The following DSCAM variants were observed in gnomAD, a reference collection of about 807,000 sequenced individuals.
DSCAM encodes DS cell adhesion molecule.
In DSCAM, 47 loss-of-function variants were observed where a neutral mutation model predicts 217.7. That is an observed-to-expected ratio of 0.22 (90% CI 0.17 to 0.28). The LOEUF is 0.28. Ranked by LOEUF, DSCAM falls within the 10% of genes least tolerant of loss-of-function variation. DSCAM has a pLI of 1.00. For missense variants in DSCAM, 2,080 were observed against 2,618.3 expected, an observed-to-expected ratio of 0.79 and a Z score of 4.49; for synonymous variants, 1,056 against 1,015.3, an observed-to-expected ratio of 1.04 and a Z score of -0.76.
rs538184712 is a variant in DSCAM at position 40,574,626 on chromosome 21, T to C, written c.508+118184A>G. On this transcript the variant is annotated intron_variant, in intron 3 of 32. Transcript: ENST00000400454. ...TCAATATTCAACATTGTTCAAGAAGTCTTAGGTAGTGCAGTAGGGCAAGAT... is the reference window on the plus strand; with the variant it reads ...TCAATATTCAACATTGTTCAAGAAGCCTTAGGTAGTGCAGTAGGGCAAGAT... 3.9e-4 allele frequency among the ~76,000 whole-genome samples: 59 copies of C among 152,182 alleles called. 1 individual carries two copies. The highest frequency in any genetic ancestry group is 6.3e-4 in the Non-Finnish European group (43 of 68,006).
rs749781848 is a variant in DSCAM at position 40,156,287 on chromosome 21, CAGAGAGAGAGAGAGAGAGAGAGAG to C, written c.3018+10907_3018+10930del. Among the ~76,000 whole-genome samples the C allele has an allele frequency of 3.6e-4, 27 of 75,750 alleles. No individual in the cohort carries two copies. The South Asian group carries it at 0.01, about 28-fold the overall frequency. 49.7% of individuals were successfully genotyped at this position (75,750 alleles called of 152,430 possible). A position where few individuals can be genotyped will look rare whatever the true frequency, so the allele number is the denominator to read the frequency against. On this transcript the variant is annotated intron_variant, in intron 16 of 32. Coordinates refer to ENST00000400454, the MANE Select transcript of DSCAM (RefSeq NM_001389.5). ...GGAAGCTGTGACAGTCAAACTAAGA[CAGAGAGAGAGAGAGAGAGAGAGAG>C]AGAGAGAGAGAGAGAGAGAGAGAGA...
chr21:40,270,448 G>A (rs979814795), intron 11 of DSCAM, among the ~76,000 whole-genome samples: 1 of 152,196 alleles, frequency 6.6e-6, no homozygotes. Flanking sequence ...GAGGACTGCT[G>A]GGGGTGCTGG....
intron 11 of DSCAM, among the ~76,000 whole-genome samples, chr21:40,221,094 TTG>T (rs777432429): frequency 5.9e-4 from 90 of 152,310 alleles, no homozygotes; most frequent in Non-Finnish European, 1.2e-3. Flanking sequence ...AAATTCATTT[TTG>T]CCTGACTATA....
intron 3 of DSCAM, among the ~76,000 whole-genome samples, chr21:40,582,022 T>A (rs2076909555): frequency 6.6e-6 from 1 of 152,174 alleles, no homozygotes; most frequent in South Asian, 2.1e-4. Flanking sequence ...TAGTGAAATG[T>A]GGTTGAGTCA....
intron 3 of DSCAM, among the ~76,000 whole-genome samples, chr21:40,622,730 T>C (rs2146302825): frequency 6.6e-6 from 1 of 152,292 alleles, no homozygotes. Context: ...CAGTCAGCAC[T>C]TTTGGCCTGA....
chr21:40,139,993 A>ATGTGGGGTGCATGTATG (rs2090269793), intron 18 of DSCAM, among the ~76,000 whole-genome samples: 1 of 150,676 alleles, frequency 6.6e-6, no homozygotes, highest in African/African-American at 2.4e-5. Flanking sequence ...TGTGTGGTGT[A>ATGTGGGGTGCATGTATG]TGTGGGGTGC....
Position 40,393,691 on chromosome 21 carries a change from C to T in DSCAM, c.509-24446G>A, listed in dbSNP as rs1439021542. 2.6e-5 allele frequency among the ~76,000 whole-genome samples: 4 copies of T among 152,062 alleles called. No individual in the cohort carries two copies. In the East Asian group the frequency reaches 7.7e-4, roughly 29 times the overall value. Reference sequence around the variant, plus strand: ...ACATGTTTGCATATATCCGTCTATGCTTTTTTCTACATATATATAGTATTT... The same window carrying T: ...ACATGTTTGCATATATCCGTCTATGTTTTTTTCTACATATATATAGTATTT... On this transcript the variant is annotated intron_variant, in intron 3 of 32. Transcript: ENST00000400454.
At chr21:40,195,124 C>T (rs2837485) in intron 11 of DSCAM, among the ~76,000 whole-genome samples, 75,041 of 151,838 alleles carry the variant, frequency 0.49, 19,599 homozygotes, top group African/African-American at 0.67. Context: ...TGTCACTGTA[C>T]GTTTTGACAA....
At chr21:40,558,227 A>G (rs1376157883) in intron 3 of DSCAM, among the ~76,000 whole-genome samples, 1 of 152,148 alleles carries the variant, frequency 6.6e-6, no homozygotes, top group Non-Finnish European at 1.5e-5. Context: ...TGGGCAGATT[A>G]CGAGGTCAGG....
At chr21:40,273,135 T>G (rs1353104129) in intron 11 of DSCAM, among the ~76,000 whole-genome samples, 1 of 152,200 alleles carries the variant, frequency 6.6e-6, no homozygotes, top group Non-Finnish European at 1.5e-5. Flanking sequence ...ATATACATTT[T>G]CTCTTTCTTT....
At chr21:40,301,594 A>ACAGCC (rs1157547485) in intron 9 of DSCAM, among the ~76,000 whole-genome samples, 1 of 152,298 alleles carries the variant, frequency 6.6e-6, no homozygotes, top group African/African-American at 2.4e-5. Context: ...ATTACTTACC[A>ACAGCC]TAGCCTTTAT....
At chr21:40,648,912 G>T (rs949746422) in intron 3 of DSCAM, among the ~76,000 whole-genome samples, 6 of 152,112 alleles carry the variant, frequency 3.9e-5, no homozygotes, top group Non-Finnish European at 1.5e-5. Context: ...ACAGGAGCTC[G>T]GGAACTGCCA....
At position 40,800,962 on chromosome 21, in the gene DSCAM, C is replaced by CTT. The variant is rs200592326; in HGVS notation, c.43+45655_43+45656dup. On this transcript the variant is annotated intron_variant, in intron 1 of 32. Coordinates refer to ENST00000400454, the MANE Select transcript of DSCAM (RefSeq NM_001389.5). ...AACTCCTCTTTCTTTCTTTCTTCTC[C>CTT]TTTTTTTTTTTTAGATGGAGTTTCT... Among the ~76,000 whole-genome samples, 276 of 142,126 alleles carry CTT rather than the reference C, an allele frequency of 1.9e-3. 1 individual carries two copies. Among genetic ancestry groups the CTT allele is most frequent in the Middle Eastern group, 3.6e-3 (1 of 280 alleles). The allele number at this position is 142,126 out of a possible 152,430, so 93.2% of individuals were successfully genotyped here. A position where few individuals can be genotyped will look rare whatever the true frequency, so the allele number is the denominator to read the frequency against.
intron 3 of DSCAM, among the ~76,000 whole-genome samples, chr21:40,674,918 C>T (rs918025517): frequency 2.0e-5 from 3 of 152,018 alleles, no homozygotes; most frequent in Non-Finnish European, 2.9e-5. Context: ...CCACCGCGCC[C>T]GGCCCATAAA....
In DSCAM at chr21:40,306,257, A is replaced by G. The variant is rs200895415; in HGVS notation, c.2062+5824T>C. Among the ~76,000 whole-genome samples the G allele has an allele frequency of 6.1e-3, 729 of 119,614 alleles. 6 individuals carry two copies. Among genetic ancestry groups the G allele is most frequent in the East Asian group, 0.019 (53 of 2,734 alleles). The allele number at this position is 119,614 out of a possible 152,430, so 78.5% of individuals were successfully genotyped here. On this transcript the variant is annotated intron_variant, in intron 9 of 32. Coordinates refer to ENST00000400454, the MANE Select transcript of DSCAM (RefSeq NM_001389.5). ...GGCTCTCTGTTTGTCTGTTATTGGTATATAAGAATGCTTGTGATTTTTGTA... is the reference window on the plus strand; with the variant it reads ...GGCTCTCTGTTTGTCTGTTATTGGTGTATAAGAATGCTTGTGATTTTTGTA...
intron 1 of DSCAM, among the ~76,000 whole-genome samples, chr21:40,818,090 G>A (rs867592016): frequency 7.6e-4 from 82 of 108,178 alleles, no homozygotes; most frequent in Non-Finnish European, 1.2e-3. Flanking sequence ...GCGACAGAGC[G>A]AGACTCCGTC....
intron 11 of DSCAM, among the ~76,000 whole-genome samples, chr21:40,266,706 ATAGAT>A (rs1214367353): frequency 1.5e-5 from 2 of 132,316 alleles, no homozygotes; most frequent in Non-Finnish European, 3.1e-5. Context: ...GATGTTATAT[ATAGAT>A]TAATCTTGTA....
chr21:40,336,585 C>T lies in DSCAM; in HGVS notation c.1783+1516G>A, dbSNP rs962407395. 5.9e-5 allele frequency among the ~76,000 whole-genome samples: 9 copies of T among 152,292 alleles called. 2 individuals carry two copies. The South Asian group carries it at 1.9e-3, about 32-fold the overall frequency. On this transcript the variant is annotated intron_variant, in intron 8 of 32. Coordinates refer to ENST00000400454, the MANE Select transcript of DSCAM (RefSeq NM_001389.5). ...AAAATCATGTGTGGGTAAAACATTC[C>T]TTCCAAGGGTATGATAGACCAATGA...
At chr21:40,478,383 T>G (rs1214410338) in intron 3 of DSCAM, among the ~76,000 whole-genome samples, 2 of 152,156 alleles carry the variant, frequency 1.3e-5, no homozygotes, top group African/African-American at 4.8e-5. Flanking sequence ...GGGACATAGC[T>G]GGGAGTGGAA....
Sources: gnomAD v4.1 joint callset for allele counts (sites outside exome capture counted in the v4.1 genomes callset) on GRCh38, gnomAD v4.1.1 for gene constraint, MANE v1.5 for transcripts, NCBI Gene and HGNC (gene_info 2026-07-23, HGNC 2026-07-21) for gene names.